FRMD4A: variants seen among roughly 807,000 people sequenced by gnomAD.
The protein encoded by FRMD4A is FERM domain-containing protein 4A.
In FRMD4A, 29 loss-of-function variants were observed where a neutral mutation model predicts 129.1. The ratio of observed to expected loss-of-function variants is 0.22; its 90% CI spans 0.17 to 0.31. The LOEUF (loss-of-function observed/expected upper bound fraction) is 0.31, where lower values mean the gene tolerates loss of function less well. FRMD4A is among the 10% of genes least tolerant of loss of function. The probability of loss-of-function intolerance (pLI) is 1.00; values close to 1 mark genes in which losing one functional copy is unlikely to be tolerated. For synonymous variants in FRMD4A, 634 were observed against 571.6 expected (o/e 1.11, Z -1.56); for missense variants, 1,272 against 1,375.8 (o/e 0.92, Z 1.19).
intron 3 of FRMD4A, among the ~76,000 whole-genome samples, chr10:13,819,011 C>G (rs186872232): frequency 4.0e-4 from 61 of 152,166 alleles, no homozygotes; most frequent in African/African-American, 1.4e-3. Flanking sequence ...GCCTGTAATC[C>G]CAGCTACTCG....
intron 2 of FRMD4A, among the ~76,000 whole-genome samples, chr10:13,994,036 G>T (rs2095613489): frequency 1.3e-5 from 2 of 148,722 alleles, no homozygotes; most frequent in Non-Finnish European, 3.0e-5. Context: ...TTGAGATGGA[G>T]CCTTGCTTCG....
intron 12 of FRMD4A, chr10:13,729,320 G>C (rs1394040151): frequency 6.6e-6 from 1 of 152,256 alleles, no homozygotes; most frequent in East Asian, 1.9e-4. Context: ...GGGGAATGTG[G>C]ATGCTGGAAT....
intron 14 of FRMD4A, among the ~76,000 whole-genome samples, chr10:13,699,250 T>C (rs7094397): frequency 7.0e-6 from 1 of 142,680 alleles, no homozygotes; most frequent in African/African-American, 2.6e-5. Flanking sequence ...TTTTTTTTTG[T>C]ATTTTTAGTA....
At chr10:14,284,245 A>G (rs1228047926) in intron 2 of FRMD4A, among the ~76,000 whole-genome samples, 1 of 152,222 alleles carries the variant, frequency 6.6e-6, no homozygotes, top group Non-Finnish European at 1.5e-5. Context: ...AATACCCATA[A>G]TCATCAAATA....
chr10:13,660,272 C>T, intron 20 of FRMD4A, 44 bp downstream of exon 20: 1 of 1,226,112 alleles, frequency 8.2e-7, no homozygotes, highest in Non-Finnish European at 1.2e-6. Flanking sequence ...TCTTCCAGAG[C>T]ATAGAGGGAG....
intron 2 of FRMD4A, among the ~76,000 whole-genome samples, chr10:13,981,458 AGGCCAGGCACGGT>A (rs2095560434): frequency 6.6e-6 from 1 of 152,078 alleles, no homozygotes; most frequent in Non-Finnish European, 1.5e-5. Context: ...TACTTAAGGG[AGGCCAGGCACGGT>A]GGCTTACACC....
At chr10:13,726,816 G>A (rs1191864290) in intron 12 of FRMD4A, among the ~76,000 whole-genome samples, 1 of 152,130 alleles carries the variant, frequency 6.6e-6, no homozygotes, top group African/African-American at 2.4e-5. Flanking sequence ...TGCCTAGGCT[G>A]GTCTCCAACT....
At chr10:13,748,145 GAGA>G (rs1236015609) in intron 8 of FRMD4A, among the ~76,000 whole-genome samples, 4 of 152,130 alleles carry the variant, frequency 2.6e-5, no homozygotes, top group African/African-American at 9.7e-5. Context: ...GGAATTTGGG[GAGA>G]AGAAGTGTCC....
rs566495769 is a variant in FRMD4A, at chr10:13,798,090, G to T, written c.207-1502C>A. 5.3e-5 allele frequency among the ~76,000 whole-genome samples: 8 copies of T among 152,076 alleles called. No homozygotes were observed. The East Asian group carries it at 1.5e-3, about 29-fold the overall frequency. ...ATTAACTTTATCTTTTTATTACCTT[G>T]CTCTGAATATAGGAAAAGTAAAAAA... On this transcript the variant is annotated intron_variant, in intron 4 of 24. Coordinates refer to ENST00000357447, the MANE Select transcript of FRMD4A (RefSeq NM_018027.5).
intron 2 of FRMD4A, among the ~76,000 whole-genome samples, chr10:13,978,228 CT>C (rs1463934127): frequency 2.0e-5 from 3 of 152,214 alleles, no homozygotes; most frequent in Non-Finnish European, 4.4e-5. Context: ...ATGACGTGGC[CT>C]TTGGGTAGGA....
At chr10:13,976,456 A>G (rs1002472179) in intron 2 of FRMD4A, among the ~76,000 whole-genome samples, 1 of 151,832 alleles carries the variant, frequency 6.6e-6, no homozygotes, top group Non-Finnish European at 1.5e-5. Context: ...CCTCCGTCCC[A>G]CTGGTTAATC....
rs185396164 is a variant in FRMD4A, at chr10:14,064,641, G to A, written c.46-205729C>T. Among the ~76,000 whole-genome samples the A allele has an allele frequency of 2.6e-4, 39 of 152,214 alleles. 1 individual carries two copies. The East Asian group carries it at 7.5e-3, about 29-fold the overall frequency. ...CGTCTAGGCTGGAGTACAGTGGCGC[G>A]ATCTCGGCTCACTGCAACCTCTGCC... On this transcript the variant is annotated intron_variant, in intron 2 of 24. Coordinates refer to ENST00000357447, the MANE Select transcript of FRMD4A (RefSeq NM_018027.5).
chr10:14,327,039 G>A (rs558758089), intron 2 of FRMD4A: 1 of 398,458 alleles, frequency 2.5e-6, no homozygotes, highest in South Asian at 1.3e-4. Context: ...GAATCAGTGA[G>A]GTCCTCCCAC....
chr10:14,268,626 T>C (rs1329293621), intron 2 of FRMD4A, among the ~76,000 whole-genome samples: 3 of 152,226 alleles, frequency 2.0e-5, no homozygotes, highest in Admixed American at 2.0e-4. Flanking sequence ...AACTAATATT[T>C]TGAGAAAGCC....
intron 2 of FRMD4A, among the ~76,000 whole-genome samples, chr10:13,949,550 G>T (rs2095358210): frequency 6.6e-6 from 1 of 152,146 alleles, no homozygotes; most frequent in African/African-American, 2.4e-5. Context: ...AGAACTCTGG[G>T]AATATTTTGT....
At chr10:14,017,177 T>G (rs2095701894) in intron 2 of FRMD4A, among the ~76,000 whole-genome samples, 1 of 152,172 alleles carries the variant, frequency 6.6e-6, no homozygotes, top group Admixed American at 6.5e-5. Context: ...TGCCCAGGGT[T>G]TGAGGAATAA....
intron 2 of FRMD4A, among the ~76,000 whole-genome samples, chr10:14,078,476 C>T (rs925775929): frequency 1.3e-5 from 2 of 152,186 alleles, no homozygotes; most frequent in Admixed American, 6.5e-5. Context: ...AGCTTCTTCC[C>T]GCCCTCCAGA....
At chr10:13,926,372 G>A (rs1253622179) in intron 2 of FRMD4A, among the ~76,000 whole-genome samples, 5 of 152,176 alleles carry the variant, frequency 3.3e-5, no homozygotes, top group Non-Finnish European at 5.9e-5. Flanking sequence ...GGAGAAGGAG[G>A]AGTGATGATG....
chr10:13,922,115 G>A (rs1000478685), intron 2 of FRMD4A, among the ~76,000 whole-genome samples: 1 of 152,140 alleles, frequency 6.6e-6, no homozygotes, highest in South Asian at 2.1e-4. Context: ...CAGGAAGAGA[G>A]CCCTCATCAG....
Sources: gnomAD v4.1 joint callset for allele counts (sites outside exome capture counted in the v4.1 genomes callset) on GRCh38, gnomAD v4.1.1 for gene constraint, MANE v1.5 for transcripts, NCBI Gene and HGNC (gene_info 2026-07-23, HGNC 2026-07-21) for gene names.